The following SKAP1 variants were observed in gnomAD, a reference collection of about 807,000 sequenced individuals.
SKAP1 encodes src kinase-associated phosphoprotein 1.
SKAP1 carries 44 observed loss-of-function variants against 58.5 expected under a neutral mutation model. The ratio of observed to expected loss-of-function variants is 0.75; its 90% CI spans 0.59 to 0.97. The LOEUF (loss-of-function observed/expected upper bound fraction) is 0.97, where lower values mean the gene tolerates loss of function less well. Ranked by LOEUF, SKAP1 falls within the 50% of genes least tolerant of loss-of-function variation. The probability of loss-of-function intolerance (pLI) is 0.00; values close to 1 mark genes in which losing one functional copy is unlikely to be tolerated. For missense variants in SKAP1, 390 were observed against 435.2 expected, an observed-to-expected ratio of 0.90 and a Z score of 0.92; for synonymous variants, 127 against 149.7, an observed-to-expected ratio of 0.85 and a Z score of 1.11.
chr17:48,229,755 A>G (rs1203972638), intron 4 of SKAP1, among the ~76,000 whole-genome samples: 1 of 152,192 alleles, frequency 6.6e-6, no homozygotes, highest in Admixed American at 6.6e-5. Context: ...GCTAAACACC[A>G]ATGTCACCCT....
chr17:48,291,551 A>C (rs531565785), intron 4 of SKAP1, among the ~76,000 whole-genome samples: 2 of 152,246 alleles, frequency 1.3e-5, no homozygotes, highest in Non-Finnish European at 2.9e-5. Flanking sequence ...AGCAGGATGC[A>C]AGAACATCTT....
intron 2 of SKAP1, among the ~76,000 whole-genome samples, chr17:48,365,252 T>C (rs1379718327): frequency 6.6e-6 from 1 of 152,202 alleles, no homozygotes; most frequent in African/African-American, 2.4e-5. Context: ...CCAGCAACCC[T>C]TGAAGTCTTA....
Position 48,224,010 on chromosome 17 carries a change from CAGAGAG to C in SKAP1, c.281-34516_281-34511del, listed in dbSNP as rs10633331. 1.8e-3 allele frequency among the ~76,000 whole-genome samples: 169 copies of C among 93,724 alleles called. 2 individuals are homozygous for C. Among genetic ancestry groups the C allele is most frequent in the African/African-American group, 6.3e-3 (164 of 26,240 alleles). The allele number at this position is 93,724 out of a possible 152,430, so 61.5% of individuals were successfully genotyped here. ...GAGCTGAACTCTGAGAGATGGGAGA[CAGAGAG>C]AGAGAGAGAGAGAGAGAGAAGAAGG... On this transcript the variant is annotated intron_variant, in intron 4 of 12. Coordinates refer to ENST00000336915, the MANE Select transcript of SKAP1 (RefSeq NM_003726.4).
chr17:48,360,555 T>C (rs941057019), intron 3 of SKAP1, among the ~76,000 whole-genome samples: 1 of 152,192 alleles, frequency 6.6e-6, no homozygotes, highest in Non-Finnish European at 1.5e-5. Flanking sequence ...GTAGAAATTT[T>C]TTTTGAGTAA....
intron 11 of SKAP1, among the ~76,000 whole-genome samples, chr17:48,141,014 T>C (rs1455497900): frequency 6.6e-6 from 1 of 152,118 alleles, no homozygotes; most frequent in Non-Finnish European, 1.5e-5. Flanking sequence ...CTCGAACTCC[T>C]GACCTCAGGT....
At chr17:48,152,312 G>A (rs1290208710) in intron 11 of SKAP1, among the ~76,000 whole-genome samples, 16 of 152,182 alleles carry the variant, frequency 1.1e-4, no homozygotes, top group Admixed American at 1.0e-3. Flanking sequence ...TGCTAGTTTG[G>A]TTGGAGAGCT....
At chr17:48,148,521 C>T (rs1430731614) in intron 11 of SKAP1, among the ~76,000 whole-genome samples, 2 of 152,192 alleles carry the variant, frequency 1.3e-5, no homozygotes, top group Admixed American at 1.3e-4. Context: ...TTGCTCTGAC[C>T]GCAGTACCAG....
intron 4 of SKAP1, among the ~76,000 whole-genome samples, chr17:48,223,292 A>G (rs891124467): frequency 2.6e-4 from 39 of 152,182 alleles, no homozygotes; most frequent in African/African-American, 8.9e-4. Context: ...TATGTAAGAT[A>G]AAAATTATTA....
intron 2 of SKAP1, among the ~76,000 whole-genome samples, chr17:48,364,078 C>A (rs1023581707): frequency 6.6e-6 from 1 of 152,190 alleles, no homozygotes; most frequent in Non-Finnish European, 1.5e-5. Flanking sequence ...GGGAACCTAG[C>A]GGTGGCCTGG....
At chr17:48,327,396 A>C (rs1187884566) in intron 4 of SKAP1, among the ~76,000 whole-genome samples, 1 of 152,268 alleles carries the variant, frequency 6.6e-6, no homozygotes. Context: ...GATAGAGCAG[A>C]AAATAAATCA....
At chr17:48,353,029 A>G (rs2144355527) in intron 3 of SKAP1, among the ~76,000 whole-genome samples, 1 of 152,338 alleles carries the variant, frequency 6.6e-6, no homozygotes, top group Middle Eastern at 3.4e-3. Flanking sequence ...ATTAGTGATA[A>G]TAGCAGTAGT....
At chr17:48,296,565 G>C (rs995029811) in intron 4 of SKAP1, among the ~76,000 whole-genome samples, 21 of 152,128 alleles carry the variant, frequency 1.4e-4, no homozygotes, top group East Asian at 3.8e-4. Flanking sequence ...CTTTAAGTTT[G>C]CAAATATTCT....
chr17:48,138,893 A>T (rs901174033), intron 11 of SKAP1, among the ~76,000 whole-genome samples: 12 of 149,558 alleles, frequency 8.0e-5, no homozygotes, highest in South Asian at 4.2e-4. Flanking sequence ...ATGAAAAAAA[A>T]ATTTTTTTTT....
chr17:48,273,058 C>T (rs999958249), intron 4 of SKAP1, among the ~76,000 whole-genome samples: 8 of 152,168 alleles, frequency 5.3e-5, no homozygotes, highest in Admixed American at 3.9e-4. Flanking sequence ...CTCCTTCAAT[C>T]CAGCCAACCT....
the SKAP1 span, among the ~76,000 whole-genome samples, chr17:48,436,371 C>T: frequency 1.3e-5 from 2 of 152,300 alleles, no homozygotes; most frequent in African/African-American, 2.4e-5. Context: ...CGTGTCTGGC[C>T]AACAACTGTA....
chr17:48,188,009 A>T, intron 5 of SKAP1, 83 bp from the exon 6 acceptor site: 1 of 972,560 alleles, frequency 1.0e-6, no homozygotes, highest in Non-Finnish European at 1.6e-6. Flanking sequence ...CATACAGTCC[A>T]GTGTGTTATT....
intron 4 of SKAP1, among the ~76,000 whole-genome samples, chr17:48,273,927 G>A (rs2065665655): frequency 6.7e-6 from 1 of 150,112 alleles, no homozygotes. Context: ...ATTTTAAAAC[G>A]TTTACTTTTA....
chr17:48,366,066 A>T (rs1392583583), intron 2 of SKAP1, among the ~76,000 whole-genome samples: 1 of 152,212 alleles, frequency 6.6e-6, no homozygotes, highest in African/African-American at 2.4e-5. Context: ...ACCCCCCAAA[A>T]AGATGCAGAA....
intron 4 of SKAP1, among the ~76,000 whole-genome samples, chr17:48,336,760 A>C (rs2066576655): frequency 6.6e-6 from 1 of 152,194 alleles, no homozygotes; most frequent in Non-Finnish European, 1.5e-5. Context: ...TAGATAACTC[A>C]AAGTAATTTT....
Sources: allele counts gnomAD v4.1 joint callset (sites outside exome capture counted in the v4.1 genomes callset), GRCh38; gene constraint gnomAD v4.1.1; transcripts MANE v1.5; gene names NCBI Gene and HGNC (gene_info 2026-07-23, HGNC 2026-07-21).